The following NOD1 variants were observed in gnomAD, a reference collection of about 807,000 sequenced individuals.
NOD1 encodes nucleotide binding oligomerization domain containing 1.
In NOD1, 70 loss-of-function variants were observed where a neutral mutation model predicts 81.2. The observed-to-expected ratio is 0.86, with a 90% CI of 0.71 to 1.05. NOD1 has a LOEUF of 1.05. Among genes scored for constraint, NOD1 ranks in the 50% least tolerant of loss-of-function variants. The probability of loss-of-function intolerance (pLI) is 0.00; values close to 1 mark genes in which losing one functional copy is unlikely to be tolerated. For synonymous variants in NOD1, 508 were observed against 526.9 expected, an observed-to-expected ratio of 0.96 and a Z score of 0.49; for missense variants, 1,233 against 1,228.0, an observed-to-expected ratio of 1.00 and a Z score of -0.06.
At chr7:30,437,974 TGA>T (rs752461663) in intron 9 of NOD1, among the ~76,000 whole-genome samples, 7 of 152,146 alleles carry the variant, frequency 4.6e-5, no homozygotes, top group Non-Finnish European at 7.3e-5. Flanking sequence ...CCTGAGCTCA[TGA>T]GAGAAAGCAC....
intron 1 of NOD1, among the ~76,000 whole-genome samples, chr7:30,474,211 G>A (rs1032375571): frequency 6.6e-6 from 1 of 152,250 alleles, no homozygotes; most frequent in African/African-American, 2.4e-5. Flanking sequence ...TGGAACCAAA[G>A]TAATCATCAT....
At chr7:30,459,712 G>A (rs1786808870) in intron 2 of NOD1, among the ~76,000 whole-genome samples, 189 bp downstream of exon 2, 1 of 152,186 alleles carries the variant, frequency 6.6e-6, no homozygotes, top group South Asian at 2.1e-4. Flanking sequence ...ACAGAATTGA[G>A]ACTTTCTCTT....
chr7:30,429,351 T>C, intron 13 of NOD1, 23 bp downstream of exon 13: 1 of 1,591,692 alleles, frequency 6.3e-7, no homozygotes, highest in Non-Finnish European at 8.6e-7. Context: ...GTGTTATTAC[T>C]GTGACAAACG....
At chr7:30,450,706 G>A (rs1583750612) in intron 6 of NOD1, among the ~76,000 whole-genome samples, 1 of 152,226 alleles carries the variant, frequency 6.6e-6, no homozygotes, top group East Asian at 1.9e-4. Context: ...GGGCTATCTC[G>A]GAGCCTTACA....
Position 30,451,902 on chromosome 7 carries a change from G to T in NOD1, c.1515C>A (p.Gly505=). The T allele has an allele frequency of 6.2e-7, 1 of 1,613,536 alleles. No individual in the cohort carries two copies. Among genetic ancestry groups the T allele is most frequent in the African/African-American group, 1.3e-5 (1 of 75,032 alleles). ...LGFLRALPEL[G]PGGDQQSYEF... is the part of the protein sequence containing the mutation. Reference sequence around the variant, plus strand: ...CATAGGACTGCTGGTCACCCCCGGGGCCCAGCTCCGGCAAAGCCCGCAGGA... The same window carrying T: ...CATAGGACTGCTGGTCACCCCCGGGTCCCAGCTCCGGCAAAGCCCGCAGGA... Residue 505 remains glycine, a synonymous_variant, in exon 6 of 14, where the codon GGC becomes GGA. Coordinates refer to ENST00000222823, the MANE Select transcript of NOD1 (RefSeq NM_006092.4). The surrounding 1 kb of genome is among the most constrained non-coding windows in gnomAD (Gnocchi z 4.2).
intron 10 of NOD1, 22 bp downstream of exon 10, chr7:30,437,551 G>A: frequency 1.4e-6 from 2 of 1,472,700 alleles, no homozygotes; most frequent in South Asian, 2.9e-5. Context: ...TTGGCCCCTG[G>A]AGACAGCAGG....
intron 5 of NOD1, among the ~76,000 whole-genome samples, chr7:30,454,032 T>C (rs73687871): frequency 0.018 from 2,749 of 152,106 alleles, 73 homozygotes; most frequent in African/African-American, 0.063. Flanking sequence ...TTTTTTTTCA[T>C]GGGGGAAGGA....
chr7:30,434,498 G>A (rs1381788810), intron 11 of NOD1, among the ~76,000 whole-genome samples: 1 of 152,198 alleles, frequency 6.6e-6, no homozygotes, highest in African/African-American at 2.4e-5. Flanking sequence ...TCAAGATGGA[G>A]AAACCCTAAA....
chr7:30,468,849 G>C, intron 1 of NOD1: 1 of 985,384 alleles, frequency 1.0e-6, no homozygotes, highest in South Asian at 4.7e-5. Flanking sequence ...TACAAGTAAA[G>C]AAGATAATTA....
intron 9 of NOD1, among the ~76,000 whole-genome samples, chr7:30,439,430 A>G (rs1784696227): frequency 7.1e-6 from 1 of 141,446 alleles, no homozygotes; most frequent in Non-Finnish European, 1.5e-5. Context: ...AGGGCGAGGC[A>G]TTGCCTCACC....
rs372554109 is a variant in NOD1 at position 30,436,076 on chromosome 7, G to A, written c.2543C>T (p.Ala848Val). 2.7e-5 allele frequency: 43 copies of A among 1,613,050 alleles called. No homozygotes were observed. Among genetic ancestry groups the A allele is most frequent in the Middle Eastern group, 3.3e-4 (2 of 6,084 alleles). ...NHPSLTTLSL[A>V]SNGISTEGGK... ...TCCTTCTGTGGAGATGCCGTTGGAC[G>A]CAAGACTAGGAAGGAACACACTTGG... Residue 848 changes from alanine (A) to valine (V), a missense_variant, in exon 11 of 14, where the codon GCG becomes GTG. By Grantham distance (64) the Ala-to-Val change is moderately conservative (BLOSUM62 0). Coordinates refer to ENST00000222823, the MANE Select transcript of NOD1 (RefSeq NM_006092.4).
At chr7:30,459,321 T>C (rs777732297) in intron 2 of NOD1, 81 bp from the exon 3 acceptor site, 2 of 152,624 alleles carry the variant, frequency 1.3e-5, no homozygotes, top group African/African-American at 2.4e-5. Flanking sequence ...AGAATAATTT[T>C]AAAATCTAGT....
At chr7:30,434,607 GA>G (rs1274267956) in intron 11 of NOD1, among the ~76,000 whole-genome samples, 4 of 152,176 alleles carry the variant, frequency 2.6e-5, no homozygotes, top group Admixed American at 2.6e-4. Flanking sequence ...CAAAAGGCTA[GA>G]AAGGAAAGGT....
chr7:30,434,820 T>G (rs1369522718), intron 11 of NOD1, among the ~76,000 whole-genome samples: 1 of 152,194 alleles, frequency 6.6e-6, no homozygotes, highest in Non-Finnish European at 1.5e-5. Context: ...AACTCTCTCA[T>G]GAAGAGGATA....
chr7:30,427,738 C>A (rs1370658315), intron 13 of NOD1, among the ~76,000 whole-genome samples: 1 of 152,178 alleles, frequency 6.6e-6, no homozygotes, highest in Non-Finnish European at 1.5e-5. Flanking sequence ...GAATGGTGAC[C>A]CTCAAGAGGG....
In NOD1 at chr7:30,453,049, AG is replaced by A; in HGVS notation, c.377-10del. The A allele has an allele frequency of 6.3e-7, 1 of 1,591,040 alleles. No individual in the cohort carries two copies. The highest frequency in any genetic ancestry group is 8.6e-7 in the Non-Finnish European group (1 of 1,165,974). On this transcript the variant is annotated splice_polypyrimidine_tract_variant and intron_variant, in intron 5 of 13. Transcript: ENST00000222823. ...CTGGGTATACCTGCTCACTGGAGGGAGGGGGTGGCAGGGCACAGCAGCAGGG... is the reference window on the plus strand; with the variant it reads ...CTGGGTATACCTGCTCACTGGAGGGAGGGGTGGCAGGGCACAGCAGCAGGG...
intron 5 of NOD1, among the ~76,000 whole-genome samples, chr7:30,453,684 T>G (rs1472389854): frequency 6.6e-6 from 1 of 152,058 alleles, no homozygotes; most frequent in Non-Finnish European, 1.5e-5. Flanking sequence ...CCTCCCAAAG[T>G]GTTAGGGAGT....
In NOD1 at chr7:30,425,552, T is replaced by G; in HGVS notation, c.*86A>C. 1 of 975,888 alleles carries G rather than the reference T, an allele frequency of 1.0e-6. No individual in the cohort carries two copies. Among genetic ancestry groups the G allele is most frequent in the South Asian group, 1.3e-5 (1 of 78,158 alleles). The allele number at this position is 975,888 out of a possible 1,614,324, so 60.5% of individuals were successfully genotyped here. ...ATAGTCCCGCCTGCGCAGGCCCCTT[T>G]AAGACACTGACACAAAAGACTGCCC... On this transcript the variant is annotated 3_prime_UTR_variant, in exon 14 of 14. Coordinates refer to ENST00000222823, the MANE Select transcript of NOD1 (RefSeq NM_006092.4).
Position 30,451,844 on chromosome 7 carries a change from T to C in NOD1, c.1573A>G (p.Thr525Ala). The C allele has an allele frequency of 6.2e-7, 1 of 1,613,740 alleles. No individual in the cohort carries two copies. Among genetic ancestry groups the C allele is most frequent in the Non-Finnish European group, 8.5e-7 (1 of 1,180,006 alleles). The change falls in exon 6 of 14, where the codon ACA (threonine) becomes GCA (alanine). Residue 525 changes from threonine (T) to alanine (A), a missense_variant. Thr to Ala is a moderately conservative substitution (Grantham distance 58). Transcript: ENST00000222823. The surrounding 1 kb of genome is among the most constrained non-coding windows in gnomAD (Gnocchi z 4.2). ...FFHLTLQAFF[T>A]AFFLVLDDRV... ...TCGTCCAGCACGAGGAAGAAGGCTG[T>C]AAAGAAGGCCTGGAGGGTGAGGTGG...
Sources: gnomAD v4.1 joint callset for allele counts (sites outside exome capture counted in the v4.1 genomes callset) on GRCh38, gnomAD v4.1.1 for gene constraint, Gnocchi (gnomAD v3.1) non-coding constraint, MANE v1.5 for transcripts, NCBI Gene and HGNC (gene_info 2026-07-23, HGNC 2026-07-21) for gene names.